Variants in CDH13 observed in about 807,000 individuals in gnomAD.
CDH13 encodes cadherin-13.
In CDH13, 24 loss-of-function variants were observed where a neutral mutation model predicts 63.8. That is an observed-to-expected ratio of 0.38 (90% CI 0.27 to 0.53). The LOEUF is 0.53. Among genes scored for constraint, CDH13 ranks in the 20% least tolerant of loss-of-function variants. The pLI, the probability that CDH13 is intolerant of heterozygous loss-of-function variation, is 0.85. For missense variants in CDH13, 1,049 were observed against 903.1 expected, an observed-to-expected ratio of 1.16 and a Z score of -2.07; for synonymous variants, 503 against 355.3, an observed-to-expected ratio of 1.42 and a Z score of -4.67.
chr16:83,216,406 A>ATATGTATG (rs1305455225), intron 4 of CDH13, among the ~76,000 whole-genome samples: 7 of 60,970 alleles, frequency 1.1e-4, no homozygotes, highest in Non-Finnish European at 2.1e-4. Flanking sequence ...AAATATATAT[A>ATATGTATG]TATATATATA....
intron 5 of CDH13, among the ~76,000 whole-genome samples, chr16:83,319,490 T>C (rs538561936): frequency 6.6e-6 from 1 of 152,218 alleles, no homozygotes; most frequent in Non-Finnish European, 1.5e-5. Flanking sequence ...TTTCTAGGCA[T>C]GTGAAAAACA....
At chr16:82,833,630 G>T (rs186779800) in intron 1 of CDH13, among the ~76,000 whole-genome samples, 1 of 152,068 alleles carries the variant, frequency 6.6e-6, no homozygotes, top group East Asian at 1.9e-4. Flanking sequence ...CTTCCCTCCC[G>T]CTCTGTTCTT....
At chr16:82,718,278 C>T (rs969815112) in intron 1 of CDH13, among the ~76,000 whole-genome samples, 1 of 152,160 alleles carries the variant, frequency 6.6e-6, no homozygotes, top group African/African-American at 2.4e-5. Flanking sequence ...CTACCAACTC[C>T]CCTTCTATTA....
chr16:82,823,907 C>A (rs1235434936), intron 1 of CDH13: 1 of 152,014 alleles, frequency 6.6e-6, no homozygotes, highest in Non-Finnish European at 1.5e-5. Context: ...TACTAAAAAG[C>A]CCTAGAAACA....
At chr16:82,839,945 T>A (rs2038936489) in intron 1 of CDH13, among the ~76,000 whole-genome samples, 1 of 152,182 alleles carries the variant, frequency 6.6e-6, no homozygotes, top group African/African-American at 2.4e-5. Context: ...CCAGCTTGGG[T>A]TGAAAATATC....
At position 82,764,184 on chromosome 16, in the gene CDH13, C is replaced by A. The variant is rs183211171; in HGVS notation, c.46-94178C>A. Among the ~76,000 whole-genome samples the A allele has an allele frequency of 2.4e-3, 368 of 152,304 alleles. 1 individual carries two copies. The highest frequency in any genetic ancestry group is 8.2e-3 in the African/African-American group (341 of 41,550). ...TATTGCTGTTGTTGTTGTTAGAATA[C>A]ATATTCCTCATTTACAGACAAGTAC... is the stretch of plus-strand genomic sequence containing the variant. On this transcript the variant is annotated intron_variant, in intron 1 of 13. Transcript: ENST00000567109.
chr16:83,099,214 T>C (rs564180018), intron 3 of CDH13, among the ~76,000 whole-genome samples: 69 of 152,348 alleles, frequency 4.5e-4, no homozygotes, highest in African/African-American at 1.5e-3. Flanking sequence ...TCATACAAAG[T>C]ATGTTTACAC....
At chr16:83,446,110 A>C (rs772275767) in intron 6 of CDH13, among the ~76,000 whole-genome samples, 14 of 151,942 alleles carry the variant, frequency 9.2e-5, no homozygotes, top group Non-Finnish European at 8.8e-5. Context: ...CAAGACCAGC[A>C]TGGCCAACGT....
chr16:82,700,955 GCCCCCCCCCCCC>G (rs572286316), intron 1 of CDH13, among the ~76,000 whole-genome samples: 1 of 10,428 alleles, frequency 9.6e-5, no homozygotes, highest in African/African-American at 4.9e-4. Flanking sequence ...GCTGGAACCC[GCCCCCCCCCCCC>G]CCCCCCCGCC....
chr16:83,705,617 G>A (rs72797252), intron 10 of CDH13, among the ~76,000 whole-genome samples: 20,007 of 152,168 alleles, frequency 0.13, 1,418 homozygotes, highest in Middle Eastern at 0.21. Context: ...GGGAGACTCC[G>A]TCTCAAAAGA....
At chr16:83,351,870 A>G (rs537706072) in intron 6 of CDH13, among the ~76,000 whole-genome samples, 79 of 152,292 alleles carry the variant, frequency 5.2e-4, no homozygotes, top group Non-Finnish European at 8.1e-4. Context: ...CTTTCTTTTC[A>G]CACACAAACA....
chr16:82,991,038 G>A (rs1911593723), intron 2 of CDH13, among the ~76,000 whole-genome samples: 1 of 152,162 alleles, frequency 6.6e-6, no homozygotes, highest in African/African-American at 2.4e-5. Flanking sequence ...TAGGGCATGA[G>A]GAAGCAGTAG....
chr16:82,913,952 A>C (rs2041911296), intron 2 of CDH13, among the ~76,000 whole-genome samples: 1 of 152,266 alleles, frequency 6.6e-6, no homozygotes, highest in East Asian at 1.9e-4. Flanking sequence ...CAGGAGATGT[A>C]GACAGCGCTG....
chr16:83,231,663 G>C (rs747037476), intron 5 of CDH13, among the ~76,000 whole-genome samples: 1 of 152,168 alleles, frequency 6.6e-6, no homozygotes, highest in East Asian at 1.9e-4. Context: ...CCACCCTGCA[G>C]CTGCAGAGTT....
intron 2 of CDH13, among the ~76,000 whole-genome samples, chr16:82,960,922 A>C (rs994231253): frequency 1.3e-5 from 2 of 152,112 alleles, no homozygotes; most frequent in African/African-American, 4.8e-5. Context: ...TTATACTGTG[A>C]TTTGGAGGGG....
chr16:83,314,183 CT>C (rs1176901627), intron 5 of CDH13, among the ~76,000 whole-genome samples: 1 of 152,154 alleles, frequency 6.6e-6, no homozygotes, highest in Non-Finnish European at 1.5e-5. Flanking sequence ...ACTTTATTCA[CT>C]CCCAACACAC....
intron 2 of CDH13, among the ~76,000 whole-genome samples, chr16:82,893,690 A>T (rs972373558): frequency 6.6e-6 from 1 of 152,156 alleles, no homozygotes; most frequent in African/African-American, 2.4e-5. Flanking sequence ...AATCTCTTCG[A>T]GGAAGTTCTA....
intron 7 of CDH13, among the ~76,000 whole-genome samples, chr16:83,488,436 C>T (rs983041779): frequency 1.3e-5 from 2 of 152,038 alleles, no homozygotes; most frequent in African/African-American, 2.4e-5. Context: ...CTGTGAGAAA[C>T]AGAAGCTAGA....
chr16:83,358,963 A>G lies in CDH13; in HGVS notation c.781+13957A>G, dbSNP rs117306396. ...GTACTAATAATCTGAAGAGATTCCA[A>G]TAATGCACACCATGATGGGGCTGCC... On this transcript the variant is annotated intron_variant, in intron 6 of 13. Coordinates refer to ENST00000567109, the MANE Select transcript of CDH13 (RefSeq NM_001257.5). 8.1e-3 allele frequency among the ~76,000 whole-genome samples: 1,231 copies of G among 152,294 alleles called. 9 individuals are homozygous for G. The highest frequency in any genetic ancestry group is 0.012 in the Non-Finnish European group (820 of 68,032).
Sources: gnomAD v4.1 joint callset for allele counts (sites outside exome capture counted in the v4.1 genomes callset) on GRCh38, gnomAD v4.1.1 for gene constraint, MANE v1.5 for transcripts, NCBI Gene and HGNC (gene_info 2026-07-23, HGNC 2026-07-21) for gene names.